The following MTARC1 variants were observed in gnomAD, a reference collection of about 807,000 sequenced individuals.
The protein encoded by MTARC1 is mitochondrial amidoxime-reducing component 1.
In MTARC1, 24 loss-of-function variants were observed where a neutral mutation model predicts 33.6. The ratio of observed to expected loss-of-function variants is 0.72; its 90% CI spans 0.52 to 1.01. The LOEUF is 1.01. MTARC1 is among the 50% of genes least tolerant of loss of function. MTARC1 has a pLI of 0.00. For synonymous variants in MTARC1, 187 were observed against 189.5 expected (o/e 0.99, Z 0.11); for missense variants, 417 against 445.7 (o/e 0.94, Z 0.58).
At position 220,818,341 on chromosome 1, in the gene MTARC1, A is replaced by C. The variant is rs1424132295; in HGVS notation, c.*4923A>C. 1.3e-5 allele frequency: 2 copies of C among 152,188 alleles called. No homozygotes were observed. The highest frequency in any genetic ancestry group is 2.4e-5 in the African/African-American group (1 of 41,436). 9.4% of individuals were successfully genotyped at this position (152,188 alleles called of 1,614,324 possible). Reference sequence around the variant, plus strand: ...GAAGAGTTGCCTTAATTACATTATTATTCTTCCTGGACAGGCTGTAGGTTG... The same window carrying C: ...GAAGAGTTGCCTTAATTACATTATTCTTCTTCCTGGACAGGCTGTAGGTTG... On this transcript the variant is annotated 3_prime_UTR_variant, in exon 7 of 7. Coordinates refer to ENST00000366910, the MANE Select transcript of MTARC1 (RefSeq NM_022746.4).
At chr1:220,801,336 G>A (rs952682021) in intron 4 of MTARC1, among the ~76,000 whole-genome samples, 7 of 148,042 alleles carry the variant, frequency 4.7e-5, no homozygotes, top group Admixed American at 2.7e-4. Flanking sequence ...CACTGACCCC[G>A]CTCACCCAGC....
chr1:220,806,889 C>T (rs985038150), intron 6 of MTARC1, among the ~76,000 whole-genome samples: 10 of 152,248 alleles, frequency 6.6e-5, no homozygotes, highest in South Asian at 2.1e-4. Context: ...GAGGGAATTA[C>T]GGAGAAGGGG....
intron 6 of MTARC1, among the ~76,000 whole-genome samples, chr1:220,810,647 C>A (rs61830271): frequency 6.7e-6 from 1 of 149,928 alleles, no homozygotes; most frequent in South Asian, 2.1e-4. Context: ...CTCCTCATTA[C>A]CTGGTGGGGG....
chr1:220,813,254 G>A (rs371643111), intron 6 of MTARC1, 38 bp from the exon 7 acceptor site: 37 of 1,613,122 alleles, frequency 2.3e-5, no homozygotes, highest in South Asian at 6.6e-5. Flanking sequence ...TCTTGCATCC[G>A]CTTGGCTGTG....
chr1:220,787,128 T>C lies in MTARC1; in HGVS notation c.184T>C (p.Trp62Arg), dbSNP rs1558081502. 3 of 1,559,462 alleles carry C rather than the reference T, an allele frequency of 1.9e-6. No individual in the cohort carries two copies. In the East Asian group the frequency reaches 7.4e-5, roughly 38 times the overall value. ...GCAGGTGGGCACAGTGGCGCAGCTC[T>C]GGATCTACCCTGTGAAATCCTGCAA... ...LQQVGTVAQLWIYPVKSCKGV... is the reference protein window; with the variant it reads ...LQQVGTVAQLRIYPVKSCKGV... Residue 62 changes from tryptophan (W) to arginine (R), a missense_variant, in exon 1 of 7, where the codon TGG becomes CGG. Coordinates refer to ENST00000366910, the MANE Select transcript of MTARC1 (RefSeq NM_022746.4).
intron 6 of MTARC1, among the ~76,000 whole-genome samples, chr1:220,812,660 G>T (rs975025751): frequency 6.6e-6 from 1 of 152,186 alleles, no homozygotes; most frequent in Non-Finnish European, 1.5e-5. Context: ...AGACATGGAG[G>T]AGACAGGAGG....
intron 1 of MTARC1, among the ~76,000 whole-genome samples, chr1:220,790,726 T>A (rs956213077): frequency 2.0e-5 from 3 of 152,220 alleles, no homozygotes; most frequent in African/African-American, 7.2e-5. Flanking sequence ...ATTTGATCAG[T>A]GTGTACTGTA....
intron 6 of MTARC1, among the ~76,000 whole-genome samples, chr1:220,807,934 G>A (rs760946938): frequency 3.3e-5 from 5 of 152,086 alleles, no homozygotes; most frequent in African/African-American, 7.2e-5. Flanking sequence ...GCAGCACACC[G>A]ACTGCTGTGC....
chr1:220,799,042 T>A (rs1377429024), intron 4 of MTARC1: 2 of 985,256 alleles, frequency 2.0e-6, no homozygotes, highest in Non-Finnish European at 2.4e-6. Context: ...CTAAGTCCCA[T>A]TTACCTTGCC....
At chr1:220,808,765 C>T (rs971642044) in intron 6 of MTARC1, 1 of 467,334 alleles carries the variant, frequency 2.1e-6, no homozygotes, top group African/African-American at 2.0e-5. Flanking sequence ...ATAGGGAAGC[C>T]TTTGTCTGTA....
At chr1:220,804,465 G>T (rs1202962433) in intron 4 of MTARC1, among the ~76,000 whole-genome samples, 1 of 152,122 alleles carries the variant, frequency 6.6e-6, no homozygotes, top group African/African-American at 2.4e-5. Flanking sequence ...GGTTTGTCGT[G>T]GAAACTAGGC....
At chr1:220,805,590 G>A (rs1334652241) in intron 6 of MTARC1, among the ~76,000 whole-genome samples, 2 of 152,166 alleles carry the variant, frequency 1.3e-5, no homozygotes, top group East Asian at 3.8e-4. Flanking sequence ...AATGTACTAG[G>A]TGTCCTAATG....
At chr1:220,809,867 T>C (rs1018512202) in intron 6 of MTARC1, among the ~76,000 whole-genome samples, 3 of 152,228 alleles carry the variant, frequency 2.0e-5, no homozygotes, top group Non-Finnish European at 4.4e-5. Flanking sequence ...TGGTGACTTA[T>C]GGTCCCATGA....
At chr1:220,799,617 C>G (rs1449601730) in intron 4 of MTARC1, among the ~76,000 whole-genome samples, 1 of 152,196 alleles carries the variant, frequency 6.6e-6, no homozygotes, top group African/African-American at 2.4e-5. Context: ...TCATTCCTAT[C>G]TTACAGGAGA....
chr1:220,809,516 T>TAATTA (rs151304392), intron 6 of MTARC1, among the ~76,000 whole-genome samples: 1 of 149,806 alleles, frequency 6.7e-6, no homozygotes, highest in African/African-American at 2.5e-5. Context: ...TAATTTAATT[T>TAATTA]ATTTATTTAT....
intron 4 of MTARC1, among the ~76,000 whole-genome samples, chr1:220,803,210 G>C (rs570313627): frequency 6.6e-6 from 1 of 152,300 alleles, no homozygotes; most frequent in African/African-American, 2.4e-5. Context: ...TGGCAGGCAA[G>C]AGAGTGCGTG....
rs955134635 is a variant in MTARC1, at chr1:220,814,769, G to C, written c.*1351G>C. 6.6e-6 allele frequency: 1 copy of C among 152,114 alleles called. No homozygotes were observed. Among genetic ancestry groups the C allele is most frequent in the Non-Finnish European group, 1.5e-5 (1 of 68,052 alleles). The allele number at this position is 152,114 out of a possible 1,614,324, so 9.4% of individuals were successfully genotyped here. A position where few individuals can be genotyped will look rare whatever the true frequency, so the allele number is the denominator to read the frequency against. On this transcript the variant is annotated 3_prime_UTR_variant, in exon 7 of 7. Coordinates refer to ENST00000366910, the MANE Select transcript of MTARC1 (RefSeq NM_022746.4). ...AAAAGAAACAGGAAAAAAAAAGAAA[G>C]CTGACTGAGGTGAATGGGCAAAGCC...
At chr1:220,794,742 T>C (rs1672549168) in intron 2 of MTARC1, among the ~76,000 whole-genome samples, 1 of 152,322 alleles carries the variant, frequency 6.6e-6, no homozygotes. Flanking sequence ...CAGACACTCC[T>C]GGTCTTTGTA....
Position 220,791,544 on chromosome 1 carries a change from C to T in MTARC1, c.329C>T (p.Pro110Leu). The T allele has an allele frequency of 6.2e-7, 1 of 1,614,170 alleles. No individual in the cohort carries two copies. The highest frequency in any genetic ancestry group is 1.7e-5 in the Admixed American group (1 of 60,036). ...AACATGGTTACTGCTCGCCAGGAAC[C>T]TCGCCTGGTCCTGATTTCCCTGACC... ...EGNMVTARQE[P>L]RLVLISLTCD... is the part of the protein sequence containing the mutation. The change falls in exon 2 of 7, where the codon CCT (proline) becomes CTT (leucine). Residue 110 changes from proline to leucine, a missense_variant. Physicochemically the swap from Pro to Leu is moderately conservative, Grantham distance 98 (BLOSUM62 -3). Coordinates refer to ENST00000366910, the MANE Select transcript of MTARC1 (RefSeq NM_022746.4).
Sources: gnomAD v4.1 joint callset for allele counts (sites outside exome capture counted in the v4.1 genomes callset) on GRCh38, gnomAD v4.1.1 for gene constraint, MANE v1.5 for transcripts, NCBI Gene and HGNC (gene_info 2026-07-23, HGNC 2026-07-21) for gene names.